RNF31: variants seen among roughly 807,000 people sequenced by gnomAD.
RNF31 encodes the protein ring finger protein 31, also known as E3 ubiquitin-protein ligase RNF31.
Under a neutral mutation model 133.6 loss-of-function variants are expected in RNF31, and 38 were observed. The ratio of observed to expected loss-of-function variants is 0.28; its 90% CI spans 0.22 to 0.37. The LOEUF (loss-of-function observed/expected upper bound fraction) is 0.37, where lower values mean the gene tolerates loss of function less well. Ranked by LOEUF, RNF31 falls within the 10% of genes least tolerant of loss-of-function variation. RNF31 has a pLI of 1.00. For missense variants in RNF31, 1,118 were observed against 1,394.1 expected (o/e 0.80, Z 3.15); for synonymous variants, 582 against 552.3 (o/e 1.05, Z -0.75).
rs59536589 is a variant in RNF31, at chr14:24,148,738, A to G, written c.555+37A>G. On this transcript the variant is annotated intron_variant, in intron 4 of 20. Transcript: ENST00000324103. ...AGGAAAGGGGCTGGTGTACAAAGGAAACAGGAATTGTGAGACTCTGTGTCC... is the reference window on the plus strand; with the variant it reads ...AGGAAAGGGGCTGGTGTACAAAGGAGACAGGAATTGTGAGACTCTGTGTCC... 1.5e-3 allele frequency: 2,494 copies of G among 1,613,698 alleles called. 33 individuals are homozygous for G. The African/African-American group carries it at 0.028, about 18-fold the overall frequency.
In RNF31 at chr14:24,155,015, C is replaced by T; in HGVS notation, c.2131-142C>T. 1 of 734,254 alleles carries T rather than the reference C, an allele frequency of 1.4e-6. No individual in the cohort carries two copies. The highest frequency in any genetic ancestry group is 1.8e-5 in the South Asian group (1 of 54,826). The allele number at this position is 734,254 out of a possible 1,614,324, so 45.5% of individuals were successfully genotyped here. A position where few individuals can be genotyped will look rare whatever the true frequency, so the allele number is the denominator to read the frequency against. ...TCAGATGTTTACGTTGCCTGCCTGGCCCCTGCTGGCACTTGAGGTTGTTAA... is the reference window on the plus strand; with the variant it reads ...TCAGATGTTTACGTTGCCTGCCTGGTCCCTGCTGGCACTTGAGGTTGTTAA... On this transcript the variant is annotated intron_variant, in intron 11 of 20. Transcript: ENST00000324103. The surrounding 1 kb of genome is among the most constrained non-coding windows in gnomAD (Gnocchi z 4.9).
At chr14:24,147,013 G>T, upstream of RNF31, 1 of 232,760 alleles carries the variant, frequency 4.3e-6, no homozygotes, top group Non-Finnish European at 8.6e-6. Flanking sequence ...GAGTGGGAGG[G>T]GCAGCCAGAG....
Position 24,160,452 on chromosome 14 carries a change from G to A in RNF31, c.3165+45G>A, listed in dbSNP as rs745841561. 3.1e-6 allele frequency: 5 copies of A among 1,597,702 alleles called. No individual in the cohort carries two copies. The East Asian group carries it at 9.0e-5, about 29-fold the overall frequency. On this transcript the variant is annotated intron_variant, in intron 20 of 20. Coordinates refer to ENST00000324103, the MANE Select transcript of RNF31 (RefSeq NM_017999.5). The surrounding 1 kb of genome is among the most constrained non-coding windows in gnomAD (Gnocchi z 4.0). ...TCATCTCTTAACCCACCCTACAGAA[G>A]TCACCTGGTGCTGACTGTGTCTGAG...
At chr14:24,150,911 G>T in intron 8 of RNF31, 23 bp downstream of exon 8, 2 of 1,540,386 alleles carry the variant, frequency 1.3e-6, no homozygotes, top group Non-Finnish European at 1.7e-6. Flanking sequence ...CCTGCGATGA[G>T]GTAGGGCTGA....
intron 18 of RNF31, among the ~76,000 whole-genome samples, chr14:24,159,585 A>G (rs1194203542): frequency 1.4e-5 from 1 of 70,716 alleles, no homozygotes; most frequent in Non-Finnish European, 2.8e-5. Context: ...AATAACAACC[A>G]AAAAAAAAAA....
intron 11 of RNF31, among the ~76,000 whole-genome samples, chr14:24,153,969 C>G (rs1164668374): frequency 6.6e-6 from 1 of 152,130 alleles, no homozygotes; most frequent in South Asian, 2.1e-4. Context: ...TGCATAGAGT[C>G]CTGTGTACTT....
chr14:24,147,805 C>G lies in RNF31; in HGVS notation c.107C>G (p.Pro36Arg). The change falls in exon 1 of 21, where the codon CCG becomes CGG. Residue 36 changes from proline (P) to arginine (R), a missense_variant. Pro to Arg is a moderately radical substitution (Grantham distance 103). Around this residue, in one of 3 missense-constraint regions of RNF31, gnomAD observed 747 missense variants for 827.9 expected, o/e 0.90. Transcript: ENST00000324103. ...GQAFSLEQLR[P>R]LLASSLPLAA... ...GCGTTTTCCCTGGAGCAGCTCCGGCCGCTACTAGCCAGCTCTCTGCCGCTA... is the reference window on the plus strand; with the variant it reads ...GCGTTTTCCCTGGAGCAGCTCCGGCGGCTACTAGCCAGCTCTCTGCCGCTA... The G allele has an allele frequency of 6.2e-7, 1 of 1,600,602 alleles. No individual in the cohort carries two copies. The highest frequency in any genetic ancestry group is 8.5e-7 in the Non-Finnish European group (1 of 1,175,548).
Position 24,160,393 on chromosome 14 carries a change from G to A in RNF31, c.3151G>A (p.Ala1051Thr). Residue 1051 changes from alanine to threonine, a missense_variant, in exon 20 of 21, where the codon GCC becomes ACC. Physicochemically the swap from Ala to Thr is moderately conservative, Grantham distance 58. Around this residue, in one of 3 missense-constraint regions of RNF31, gnomAD observed 170 missense variants for 194.5 expected, o/e 0.87. Coordinates refer to ENST00000324103, the MANE Select transcript of RNF31 (RefSeq NM_017999.5). This position sits in a 1 kb window ranked among gnomAD's most constrained non-coding sequence, Gnocchi z 4.0. ...LAGEDPPAYQ[A>T]RLLQKLTEEV... is the part of the protein sequence containing the mutation. ...TGGAGAGGATCCCCCTGCTTACCAG[G>A]CCCGCTTGTTACAGGTATAGCCTCC... 1 of 1,614,068 alleles carries A rather than the reference G, an allele frequency of 6.2e-7. No individual in the cohort carries two copies. Among genetic ancestry groups the A allele is most frequent in the Non-Finnish European group, 8.5e-7 (1 of 1,179,976 alleles).
At chr14:24,154,979 C>A in intron 11 of RNF31, 178 bp from the exon 12 acceptor site, 1 of 612,554 alleles carries the variant, frequency 1.6e-6, no homozygotes, top group Non-Finnish European at 2.9e-6. Flanking sequence ...TTTTCCTCCA[C>A]CCGACTGTCT....
chr14:24,150,348 C>G lies in RNF31; in HGVS notation c.1097C>G (p.Ala366Gly), dbSNP rs2038244050. Reference sequence around the variant, plus strand: ...AGCTGTACCTTTGAGAATGAGGCAGCTGCTGTGCTATGTTCCATATGTGAG... The same window carrying G: ...AGCTGTACCTTTGAGAATGAGGCAGGTGCTGTGCTATGTTCCATATGTGAG... ...CQSCTFENEA[A>G]AVLCSICERP... The change falls in exon 7 of 21, where the codon GCT becomes GGT. Residue 366 changes from alanine to glycine, a missense_variant. Physicochemically the swap from Ala to Gly is moderately conservative, Grantham distance 60. This residue lies in a region of RNF31 where 747 missense variants were observed against 827.9 expected (regional missense o/e 0.90). Coordinates refer to ENST00000324103, the MANE Select transcript of RNF31 (RefSeq NM_017999.5). The G allele has an allele frequency of 2.5e-6, 4 of 1,614,068 alleles. No individual in the cohort carries two copies. The highest frequency in any genetic ancestry group is 3.4e-6 in the Non-Finnish European group (4 of 1,180,048).
chr14:24,147,944 C>T lies in RNF31; in HGVS notation c.193-32C>T, dbSNP rs199838003. The T allele has an allele frequency of 7.2e-4, 1,157 of 1,613,958 alleles. 8 individuals are homozygous for T. In the African/African-American group the frequency reaches 0.012, roughly 17 times the overall value. On this transcript the variant is annotated intron_variant, in intron 1 of 20. Coordinates refer to ENST00000324103, the MANE Select transcript of RNF31 (RefSeq NM_017999.5). ...ACACCAGGGCCTGAGGCCCAGGCCA[C>T]GCTCACACCTCTCTGCTCTCCTTGC...
Position 24,160,236 on chromosome 14 carries a change from C to A in RNF31, c.2997-3C>A. 6.2e-7 allele frequency: 1 copy of A among 1,611,116 alleles called. No homozygotes were observed. The highest frequency in any genetic ancestry group is 8.5e-7 in the Non-Finnish European group (1 of 1,178,530). ...CAAATATTCTGCTCCCTTTTCTCCC[C>A]AGGGCACACTACAAAGAGTATCTTG... On this transcript the variant is annotated splice_region_variant and splice_polypyrimidine_tract_variant and intron_variant, in intron 19 of 20. Transcript: ENST00000324103. The surrounding 1 kb of genome is among the most constrained non-coding windows in gnomAD (Gnocchi z 4.0).
rs1245865721 is a variant in RNF31 at position 24,147,575 on chromosome 14, C to T, written c.-124C>T. On this transcript the variant is annotated 5_prime_UTR_variant, in exon 1 of 21. Coordinates refer to ENST00000324103, the MANE Select transcript of RNF31 (RefSeq NM_017999.5). ...TGACCGTGGTCTGAGTGACCTGGGG[C>T]GGCTGCGTGGGCCGGGGTGGGCCTC... 5 of 822,714 alleles carry T rather than the reference C, an allele frequency of 6.1e-6. No individual in the cohort carries two copies. The highest frequency in any genetic ancestry group is 6.8e-6 in the Non-Finnish European group (4 of 585,700). The allele number at this position is 822,714 out of a possible 1,614,324, so 51.0% of individuals were successfully genotyped here.
intron 18 of RNF31, among the ~76,000 whole-genome samples, chr14:24,158,941 G>A (rs778664328): frequency 1.9e-4 from 29 of 149,214 alleles, no homozygotes; most frequent in Non-Finnish European, 4.0e-4. Context: ...GCTGAGGCAG[G>A]AGAATGGCAT....
intron 11 of RNF31, among the ~76,000 whole-genome samples, chr14:24,152,858 G>A (rs1014044391): frequency 5.3e-5 from 8 of 152,264 alleles, no homozygotes; most frequent in African/African-American, 1.9e-4. Context: ...AAGGCAGGCC[G>A]ATCATGAGGT....
Position 24,157,287 on chromosome 14 carries a change from C to A in RNF31, c.2494-3C>A. 6.3e-7 allele frequency: 1 copy of A among 1,596,876 alleles called. No homozygotes were observed. Among genetic ancestry groups the A allele is most frequent in the Non-Finnish European group, 8.6e-7 (1 of 1,168,534 alleles). On this transcript the variant is annotated splice_region_variant and splice_polypyrimidine_tract_variant and intron_variant, in intron 14 of 20. Coordinates refer to ENST00000324103, the MANE Select transcript of RNF31 (RefSeq NM_017999.5). ...CATGTGAAGCCTACTTTCCCTCTGG[C>A]AGTGGGAGGAGCAGCACCGAGGTCG...
rs374130645 is a variant in RNF31 at position 24,151,116 on chromosome 14, G to A, written c.1489-15G>A. 3.1e-6 allele frequency: 5 copies of A among 1,612,150 alleles called. No individual in the cohort carries two copies. Among genetic ancestry groups the A allele is most frequent in the African/African-American group, 1.3e-5 (1 of 74,922 alleles). On this transcript the variant is annotated splice_polypyrimidine_tract_variant and intron_variant, in intron 8 of 20. Coordinates refer to ENST00000324103, the MANE Select transcript of RNF31 (RefSeq NM_017999.5). This position sits in a 1 kb window ranked among gnomAD's most constrained non-coding sequence, Gnocchi z 5.3. ...GTGAAGGGTGCCCCTCCTGATGGGC[G>A]GGACTGTGCCTTAGGAAGGGGAAGC...
Position 24,151,276 on chromosome 14 carries a change from G to A in RNF31, c.1634G>A (p.Gly545Glu). The A allele has an allele frequency of 6.2e-7, 1 of 1,614,220 alleles. No homozygotes were observed. Among genetic ancestry groups the A allele is most frequent in the Non-Finnish European group, 8.5e-7 (1 of 1,180,040 alleles). Residue 545 changes from glycine to glutamate, a missense_variant, in exon 9 of 21, where the codon GGG becomes GAG. Physicochemically the swap from Gly to Glu is moderately conservative, Grantham distance 98. This residue lies in a region of RNF31 where 747 missense variants were observed against 827.9 expected (regional missense o/e 0.90). Transcript: ENST00000324103. This position sits in a 1 kb window ranked among gnomAD's most constrained non-coding sequence, Gnocchi z 5.3. ...VAELAGQQDP[G>E]LGAFSCQEAR... ...GAGCTGGCTGGACAGCAGGACCCTG[G>A]GCTGGGTGCCTTTTCCTGTCAGGAG...
Position 24,158,131 on chromosome 14 carries a change from C to G in RNF31, c.2842-11C>G, listed in dbSNP as rs763329625. ...AGGGGAATGTAACACCCATCTGTCT[C>G]TCCTCCTCAGGACAATAACGTCATG... On this transcript the variant is annotated splice_polypyrimidine_tract_variant and intron_variant, in intron 17 of 20. Coordinates refer to ENST00000324103, the MANE Select transcript of RNF31 (RefSeq NM_017999.5). The G allele has an allele frequency of 2.5e-6, 4 of 1,614,190 alleles. No individual in the cohort carries two copies. The highest frequency in any genetic ancestry group is 3.4e-6 in the Non-Finnish European group (4 of 1,179,990).
Sources: gnomAD v4.1 joint callset for allele counts (sites outside exome capture counted in the v4.1 genomes callset) on GRCh38, gnomAD v4.1.1 for gene constraint, gnomAD v4.1.1 regional missense constraint, Gnocchi (gnomAD v3.1) non-coding constraint, MANE v1.5 for transcripts, NCBI Gene and HGNC (gene_info 2026-07-23, HGNC 2026-07-21) for gene names.